Variants in ZNF429 observed in about 807,000 individuals in gnomAD.
ZNF429 encodes zinc finger protein 429.
A neutral mutation model predicts 56.8 loss-of-function variants in ZNF429; 53 were observed. The ratio of observed to expected loss-of-function variants is 0.93; its 90% CI spans 0.75 to 1.17. The LOEUF (loss-of-function observed/expected upper bound fraction) is 1.17. Ranked by LOEUF, ZNF429 falls within the 50% of genes most tolerant of loss-of-function variation. The pLI, the probability that ZNF429 is intolerant of heterozygous loss-of-function variation, is 0.00. For missense variants in ZNF429, 849 were observed against 788.4 expected (o/e 1.08, Z -0.92); for synonymous variants, 278 against 264.7 (o/e 1.05, Z -0.49).
chr19:21,516,240 A>G (rs113852973), intron 1 of ZNF429, among the ~76,000 whole-genome samples: 2,912 of 151,366 alleles, frequency 0.019, 65 homozygotes, highest in African/African-American at 0.047. Context: ...TGCTATCATC[A>G]TCATTATTAT....
chr19:21,527,788 C>T (rs1164674546), intron 1 of ZNF429, among the ~76,000 whole-genome samples: 1 of 152,088 alleles, frequency 6.6e-6, no homozygotes, highest in Non-Finnish European at 1.5e-5. Flanking sequence ...AAGGCATAGT[C>T]TCAAGATGCA....
chr19:21,511,333 A>G (rs28603214), intron 1 of ZNF429, among the ~76,000 whole-genome samples: 29,550 of 150,448 alleles, frequency 0.2, 2,924 homozygotes, highest in Middle Eastern at 0.22. Flanking sequence ...GACGGCTGCC[A>G]GGCGGAGGGT....
Position 21,536,740 on chromosome 19 carries a change from C to G in ZNF429, c.687C>G (p.Tyr229Ter). 1 of 1,614,040 alleles carries G rather than the reference C, an allele frequency of 6.2e-7. No homozygotes were observed. Among genetic ancestry groups the G allele is most frequent in the Non-Finnish European group, 8.5e-7 (1 of 1,180,018 alleles). The change falls in exon 4 of 4, where the codon TAC (tyrosine) becomes TAG (stop). Residue 229 changes from tyrosine to a stop codon, truncating the protein, a stop_gained. Coordinates refer to ENST00000358491, the MANE Select transcript of ZNF429 (RefSeq NM_001001415.4). LOFTEE classifies it high-confidence loss of function. ...GAATTTATGTTGGTGAGAAACACTA[C>G]AGATGTGAAGAATGTGGCAAAGCAT... is the stretch of plus-strand genomic sequence containing the variant. ...HKRIYVGEKH[Y>*]RCEECGKAFN...
At chr19:21,506,781 T>TG (rs1451574939) in intron 1 of ZNF429, among the ~76,000 whole-genome samples, 2 of 147,822 alleles carry the variant, frequency 1.4e-5, no homozygotes, top group African/African-American at 2.5e-5. Context: ...TTTTTTTTTT[T>TG]TTTTTGAGAT....
chr19:21,515,328 C>G (rs1484861400), intron 1 of ZNF429, among the ~76,000 whole-genome samples: 1 of 147,274 alleles, frequency 6.8e-6, no homozygotes, highest in Non-Finnish European at 1.5e-5. Context: ...TTGCATTTCT[C>G]TACTGATTAG....
chr19:21,519,128 A>G (rs1467579733), intron 1 of ZNF429: 1 of 152,238 alleles, frequency 6.6e-6, no homozygotes, highest in African/African-American at 2.4e-5. Context: ...TAAAGAAAAT[A>G]AAATTAAATT....
intron 3 of ZNF429, among the ~76,000 whole-genome samples, chr19:21,532,229 C>G: frequency 7.9e-6 from 1 of 127,068 alleles, no homozygotes; most frequent in African/African-American, 3.0e-5. Flanking sequence ...CAGTGAATTC[C>G]CAATGAAAAT....
At chr19:21,522,973 A>G in intron 1 of ZNF429, among the ~76,000 whole-genome samples, 1 of 152,106 alleles carries the variant, frequency 6.6e-6, no homozygotes, top group East Asian at 1.9e-4. Flanking sequence ...AGTCCTCTAC[A>G]GTCACTTCTA....
Position 21,505,638 on chromosome 19 carries a change from C to T in ZNF429, c.-134C>T, listed in dbSNP as rs2032096385. 8 of 903,274 alleles carry T rather than the reference C, an allele frequency of 8.9e-6. No individual in the cohort carries two copies. Among genetic ancestry groups the T allele is most frequent in the South Asian group, 3.5e-5 (2 of 56,900 alleles). 56.0% of individuals were successfully genotyped at this position (903,274 alleles called of 1,614,324 possible). On this transcript the variant is annotated 5_prime_UTR_variant, in exon 1 of 4. Transcript: ENST00000358491. ...AATATGGCGGGGCGTTTGGCTCTTG[C>T]TGCAGCCAGAGCTCCAGGTCTCGTC...
At chr19:21,522,314 T>G (rs1485789784) in intron 1 of ZNF429, among the ~76,000 whole-genome samples, 2 of 152,200 alleles carry the variant, frequency 1.3e-5, no homozygotes, top group East Asian at 3.9e-4. Flanking sequence ...CTGTATGACA[T>G]GGTGCTGTAA....
chr19:21,528,784 G>A (rs1445154737), intron 1 of ZNF429, among the ~76,000 whole-genome samples: 2 of 152,110 alleles, frequency 1.3e-5, no homozygotes, highest in Admixed American at 1.3e-4. Flanking sequence ...TTTCTTTATG[G>A]TTAAATTCAG....
chr19:21,536,650 T>A lies in ZNF429; in HGVS notation c.597T>A (p.Asn199Lys), dbSNP rs975009752. The A allele has an allele frequency of 2.5e-6, 4 of 1,613,662 alleles. No homozygotes were observed. In the African/African-American group the frequency reaches 5.3e-5, roughly 22 times the overall value. The change falls in exon 4 of 4, where the codon AAT (asparagine) becomes AAA (lysine). Residue 199 changes from asparagine (N) to lysine (K), a missense_variant. Coordinates refer to ENST00000358491, the MANE Select transcript of ZNF429 (RefSeq NM_001001415.4). ...TQHKKIHIRE[N>K]TYRCKEFGNA... ...ATAAGAAAATTCATATTAGAGAGAA[T>A]ACCTACAGATGTAAAGAATTTGGCA... is the stretch of plus-strand genomic sequence containing the variant.
chr19:21,529,873 T>C, intron 2 of ZNF429, 89 bp downstream of exon 2: 1 of 950,632 alleles, frequency 1.1e-6, no homozygotes, highest in Non-Finnish European at 1.5e-6. Flanking sequence ...ATTTATGCTT[T>C]GCATAAATGA....
At chr19:21,511,066 A>G (rs1237893569) in intron 1 of ZNF429, among the ~76,000 whole-genome samples, 3 of 152,150 alleles carry the variant, frequency 2.0e-5, no homozygotes, top group East Asian at 1.9e-4. Context: ...CGCCATTGTC[A>G]TCATGACCCG....
intron 2 of ZNF429, 99 bp downstream of exon 2, chr19:21,529,883 A>G: frequency 1.1e-6 from 1 of 884,506 alleles, no homozygotes; most frequent in Non-Finnish European, 1.6e-6. Context: ...TGCATAAATG[A>G]GTTTCAGATT....
intron 3 of ZNF429, among the ~76,000 whole-genome samples, chr19:21,534,812 T>C: frequency 1.3e-5 from 2 of 151,056 alleles, no homozygotes; most frequent in Non-Finnish European, 3.0e-5. Context: ...TTTTGTTCGT[T>C]TGTTTGTTTT....
At position 21,540,147 on chromosome 19, in the gene ZNF429, A is replaced by G. The variant is rs2562398; in HGVS notation, c.*2069A>G. Among the ~76,000 whole-genome samples, 123,097 of 152,200 alleles carry G rather than the reference A, an allele frequency of 0.81. 50,466 individuals carry two copies. Among genetic ancestry groups the G allele is most frequent in the African/African-American group, 0.95 (39,531 of 41,562 alleles). On this transcript the variant is annotated 3_prime_UTR_variant, in exon 4 of 4. Transcript: ENST00000358491. ...GTATATTTCAAAATTTTTAAATTATATGTAAATTTGATTTTATTTGTTACC... is the reference window on the plus strand; with the variant it reads ...GTATATTTCAAAATTTTTAAATTATGTGTAAATTTGATTTTATTTGTTACC...
At chr19:21,512,311 G>A (rs756941962) in intron 1 of ZNF429, among the ~76,000 whole-genome samples, 8 of 151,978 alleles carry the variant, frequency 5.3e-5, no homozygotes, top group African/African-American at 1.2e-4. Context: ...CTTTACTGCC[G>A]TCTGTTTTAT....
rs1363263664 is a variant in ZNF429, at chr19:21,540,582, CAATTA to C, written c.*2509_*2513del. On this transcript the variant is annotated 3_prime_UTR_variant, in exon 4 of 4. Transcript: ENST00000358491. ...GCACTTTTAGTTATTTTAAAGTGTACAATTAAATTGCTATTGACTGCATGGTTATC... is the reference window on the plus strand; with the variant it reads ...GCACTTTTAGTTATTTTAAAGTGTACAATTGCTATTGACTGCATGGTTATC... Among the ~76,000 whole-genome samples the C allele has an allele frequency of 2.0e-5, 3 of 151,916 alleles. No individual in the cohort carries two copies. The highest frequency in any genetic ancestry group is 4.4e-5 in the Non-Finnish European group (3 of 67,938).
Sources: gnomAD v4.1 joint callset for allele counts (sites outside exome capture counted in the v4.1 genomes callset) on GRCh38, gnomAD v4.1.1 for gene constraint, MANE v1.5 for transcripts, NCBI Gene and HGNC (gene_info 2026-07-23, HGNC 2026-07-21) for gene names.